The following UVRAG variants were observed in gnomAD, a reference collection of about 807,000 sequenced individuals.
UVRAG encodes the protein UV radiation resistance associated, also known as UV radiation resistance-associated gene protein.
In UVRAG, 19 loss-of-function variants were observed where a neutral mutation model predicts 78.0. The ratio of observed to expected loss-of-function variants is 0.24; its 90% confidence interval spans 0.17 to 0.36. The LOEUF is 0.36. UVRAG is among the 10% of genes least tolerant of loss of function. UVRAG has a pLI of 1.00. For synonymous variants in UVRAG, 323 were observed against 324.6 expected (o/e 1.00, Z 0.05); for missense variants, 740 against 853.8 (o/e 0.87, Z 1.66).
At position 76,141,053 on chromosome 11, in the gene UVRAG, C is replaced by T. The variant is rs113297118; in HGVS notation, c.1740C>T (p.His580=). 3 of 1,614,146 alleles carry T rather than the reference C, an allele frequency of 1.9e-6. No individual in the cohort carries two copies. The highest frequency in any genetic ancestry group is 1.6e-4 in the Middle Eastern group (1 of 6,062). ...TAAACGGAGGCCACGCGAATGTGCA[C>T]CCTAGCCAAGAACAAGGAGAAGCCC... ...GSLNGGHANV[H]PSQEQGEALS... Residue 580 remains histidine (H), a synonymous_variant, in exon 15 of 15, where the codon CAC becomes CAT. Coordinates refer to ENST00000356136, the MANE Select transcript of UVRAG (RefSeq NM_003369.4).
intron 3 of UVRAG, among the ~76,000 whole-genome samples, chr11:75,877,050 CTT>C (rs1297941703): frequency 6.7e-6 from 1 of 150,084 alleles, no homozygotes; most frequent in African/African-American, 2.5e-5. Context: ...GGTGATGACT[CTT>C]AACGAGCATG....
At chr11:76,013,771 A>G (rs1418757936) in intron 11 of UVRAG, among the ~76,000 whole-genome samples, 1 of 152,200 alleles carries the variant, frequency 6.6e-6, no homozygotes, top group Non-Finnish European at 1.5e-5. Context: ...TGACTTCCCT[A>G]CCAGGAGGTG....
intron 13 of UVRAG, among the ~76,000 whole-genome samples, chr11:76,115,051 G>C (rs1196916985): frequency 1.3e-5 from 2 of 152,140 alleles, no homozygotes; most frequent in African/African-American, 4.8e-5. Flanking sequence ...TTTGATGTGT[G>C]GATGAGCATG....
At chr11:76,124,638 C>T (rs1952352669) in intron 14 of UVRAG, among the ~76,000 whole-genome samples, 1 of 152,198 alleles carries the variant, frequency 6.6e-6, no homozygotes, top group Admixed American at 6.5e-5. Flanking sequence ...CTCCAGAGTA[C>T]TTTAGTGTTT....
Position 76,065,738 on chromosome 11 carries a change from A to G in UVRAG, c.1255A>G (p.Lys419Glu). The change falls in exon 13 of 15, where the codon AAG (lysine) becomes GAG (glutamate). Residue 419 changes from lysine (K) to glutamate (E), a missense_variant. By Grantham distance (56) the Lys-to-Glu change is moderately conservative. Transcript: ENST00000356136. ...TCCACTGTATCCAAAAGGAGGGGAG[A>G]AGTTGCAGTTTGATTATGGTGTCTA... is the stretch of plus-strand genomic sequence containing the variant. ...EFPLYPKGGEKLQFDYGVYLL... is the reference protein window; with the variant it reads ...EFPLYPKGGEELQFDYGVYLL... 1 of 1,613,886 alleles carries G rather than the reference A, an allele frequency of 6.2e-7. No homozygotes were observed. The highest frequency in any genetic ancestry group is 8.5e-7 in the Non-Finnish European group (1 of 1,179,948).
chr11:75,934,454 GA>G (rs1393649634), intron 6 of UVRAG, among the ~76,000 whole-genome samples: 1 of 152,004 alleles, frequency 6.6e-6, no homozygotes, highest in African/African-American at 2.4e-5. Flanking sequence ...AAAACAAGAT[GA>G]CTATAGTAAA....
chr11:75,847,799 C>T (rs1163119289), intron 1 of UVRAG, among the ~76,000 whole-genome samples: 1 of 151,300 alleles, frequency 6.6e-6, no homozygotes, highest in Non-Finnish European at 1.5e-5. Context: ...GGTGAAACCC[C>T]GTCTCCACTA....
chr11:76,061,890 C>T (rs985249834), intron 12 of UVRAG, among the ~76,000 whole-genome samples: 5 of 152,220 alleles, frequency 3.3e-5, no homozygotes, highest in African/African-American at 1.2e-4. Context: ...GGAGGAGATA[C>T]TATACCTCAT....
chr11:76,079,210 G>A (rs887748715), intron 13 of UVRAG, among the ~76,000 whole-genome samples: 26 of 152,176 alleles, frequency 1.7e-4, no homozygotes, highest in Admixed American at 1.5e-3. Flanking sequence ...CTTGCAAGGT[G>A]CAGTGGCTCA....
At chr11:76,083,486 G>A (rs1951535089) in intron 13 of UVRAG, among the ~76,000 whole-genome samples, 1 of 152,098 alleles carries the variant, frequency 6.6e-6, no homozygotes, top group South Asian at 2.1e-4. Context: ...AATAGTAAAC[G>A]AGCTTTTGGG....
At position 75,828,798 on chromosome 11, in the gene UVRAG, TATA is replaced by T. The variant is rs1157236891; in HGVS notation, c.117+13275_117+13277del. 5.1e-3 allele frequency among the ~76,000 whole-genome samples: 523 copies of T among 101,726 alleles called. 10 individuals carry two copies. The highest frequency in any genetic ancestry group is 8.5e-3 in the African/African-American group (207 of 24,278). 66.7% of individuals were successfully genotyped at this position (101,726 alleles called of 152,430 possible). On this transcript the variant is annotated intron_variant, in intron 1 of 14. Coordinates refer to ENST00000356136, the MANE Select transcript of UVRAG (RefSeq NM_003369.4). ...ATACACACATATATATATATATATA[TATA>T]TATATTTTTTTTTTTTTGTAGAGAC...
At chr11:76,022,034 A>G (rs998829704) in intron 12 of UVRAG, among the ~76,000 whole-genome samples, 1 of 152,160 alleles carries the variant, frequency 6.6e-6, no homozygotes, top group Non-Finnish European at 1.5e-5. Context: ...AGCCTGGGTG[A>G]CAGAGCAAGA....
intron 13 of UVRAG, among the ~76,000 whole-genome samples, chr11:76,083,218 A>G (rs1291708043): frequency 2.0e-5 from 3 of 152,138 alleles, no homozygotes; most frequent in African/African-American, 4.8e-5. Flanking sequence ...TATTATCCTC[A>G]TTTTACAGGT....
chr11:75,869,118 G>A (rs557300466), intron 3 of UVRAG, among the ~76,000 whole-genome samples: 7 of 152,246 alleles, frequency 4.6e-5, no homozygotes, highest in African/African-American at 1.7e-4. Flanking sequence ...AGGTCACACC[G>A]CTAATAACTA....
At chr11:75,902,243 T>G (rs145175326) in intron 5 of UVRAG, among the ~76,000 whole-genome samples, 50 of 152,296 alleles carry the variant, frequency 3.3e-4, no homozygotes, top group African/African-American at 1.2e-3. Context: ...AGGGATCGGT[T>G]TTGTGGAAGA....
chr11:75,879,683 G>A (rs752761479), intron 3 of UVRAG, among the ~76,000 whole-genome samples, 196 bp from the exon 4 acceptor site: 1 of 152,190 alleles, frequency 6.6e-6, no homozygotes, highest in Non-Finnish European at 1.5e-5. Context: ...ACTATAATAA[G>A]TAAGCAGAGA....
intron 14 of UVRAG, among the ~76,000 whole-genome samples, chr11:76,121,726 T>G (rs1364240575): frequency 1.3e-5 from 2 of 152,224 alleles, no homozygotes; most frequent in African/African-American, 4.8e-5. Flanking sequence ...ATTTGTGACC[T>G]CCGTTCTTTA....
intron 8 of UVRAG, among the ~76,000 whole-genome samples, chr11:75,999,248 A>AG (rs1949764344): frequency 1.8e-4 from 1 of 5,612 alleles, no homozygotes. Flanking sequence ...AAAAAAAAAA[A>AG]AAAGTCAACT....
chr11:75,857,230 T>G (rs772050686), intron 2 of UVRAG, among the ~76,000 whole-genome samples: 1 of 152,186 alleles, frequency 6.6e-6, no homozygotes, highest in Non-Finnish European at 1.5e-5. Context: ...TGGCTTCCCA[T>G]CTCATTCACA....
Sources: allele counts gnomAD v4.1 joint callset (sites outside exome capture counted in the v4.1 genomes callset), GRCh38; gene constraint gnomAD v4.1.1; transcripts MANE v1.5; gene names NCBI Gene and HGNC (gene_info 2026-07-23, HGNC 2026-07-21).